NCKAP5: variants seen among roughly 807,000 people sequenced by gnomAD.
The protein encoded by NCKAP5 is nck-associated protein 5.
In NCKAP5, 92 loss-of-function variants were observed where a neutral mutation model predicts 167.0. That is an observed-to-expected ratio of 0.55 (90% confidence interval 0.47 to 0.66). The LOEUF is 0.66. Among genes scored for constraint, NCKAP5 ranks in the 30% least tolerant of loss-of-function variants. The pLI, the probability that NCKAP5 is intolerant of heterozygous loss-of-function variation, is 0.00. For synonymous variants in NCKAP5, 891 were observed against 877.4 expected (o/e 1.02, Z -0.27); for missense variants, 2,378 against 2,315.0 (o/e 1.03, Z -0.56).
Position 133,250,211 on chromosome 2 carries a change from T to G in NCKAP5, c.144-36432A>C, listed in dbSNP as rs112787400. 3.9e-5 allele frequency among the ~76,000 whole-genome samples: 6 copies of G among 152,046 alleles called. 1 individual carries two copies. In the South Asian group the frequency reaches 1.0e-3, roughly 26 times the overall value. On this transcript the variant is annotated intron_variant, in intron 4 of 19. Transcript: ENST00000409261. ...TTCCCCAGGAAGGAATACCTATTAA[T>G]CCACAGCTATGTGATCAACCTTTAT...
chr2:132,878,521 C>T (rs1451599560), intron 9 of NCKAP5, among the ~76,000 whole-genome samples: 3 of 151,950 alleles, frequency 2.0e-5, no homozygotes, highest in African/African-American at 7.3e-5. Context: ...AATAATTTAT[C>T]ATGCAGTAAA....
intron 5 of NCKAP5, among the ~76,000 whole-genome samples, chr2:133,167,560 A>G (rs2084051604): frequency 6.6e-6 from 1 of 152,132 alleles, no homozygotes; most frequent in Admixed American, 6.6e-5. Context: ...AGGTTAAGAG[A>G]CCTGCTTGAA....
the NCKAP5 span, among the ~76,000 whole-genome samples, chr2:133,615,131 A>C: frequency 8.6e-5 from 13 of 151,872 alleles, no homozygotes; most frequent in African/African-American, 2.7e-4. Flanking sequence ...GCCTGCCCTA[A>C]AAGAGCTCCT....
chr2:133,604,946 A>G, the NCKAP5 span, among the ~76,000 whole-genome samples: 5 of 152,212 alleles, frequency 3.3e-5, no homozygotes, highest in African/African-American at 1.2e-4. Context: ...TGCTGGCTGT[A>G]CAAGACACAG....
At chr2:133,543,878 GT>G (rs999537332) in intron 2 of NCKAP5, among the ~76,000 whole-genome samples, 3 of 152,220 alleles carry the variant, frequency 2.0e-5, no homozygotes, top group African/African-American at 7.2e-5. Flanking sequence ...AGTGGTAGGT[GT>G]TTGCTTGTCT....
intron 6 of NCKAP5, among the ~76,000 whole-genome samples, chr2:133,090,789 GC>G (rs67675825): frequency 0.37 from 55,991 of 151,926 alleles, 11,023 homozygotes; most frequent in East Asian, 0.58. Flanking sequence ...TGGAGACTTG[GC>G]GGGGGAAATT....
At chr2:132,724,277 G>A (rs1573997784) in intron 19 of NCKAP5, among the ~76,000 whole-genome samples, 1 of 152,096 alleles carries the variant, frequency 6.6e-6, no homozygotes, top group Admixed American at 6.5e-5. Context: ...CATCTCCCAT[G>A]AACGAACTAT....
chr2:132,810,374 C>A (rs1436543654), intron 11 of NCKAP5, among the ~76,000 whole-genome samples: 2 of 152,298 alleles, frequency 1.3e-5, no homozygotes, highest in East Asian at 3.9e-4. Context: ...GTTTTCCAAG[C>A]TTTTAGAATT....
At chr2:133,487,373 G>A (rs1386286327) in intron 3 of NCKAP5, among the ~76,000 whole-genome samples, 1 of 152,120 alleles carries the variant, frequency 6.6e-6, no homozygotes, top group African/African-American at 2.4e-5. Flanking sequence ...ATGATAGGGT[G>A]GTGTGAAAAG....
intron 17 of NCKAP5, among the ~76,000 whole-genome samples, chr2:132,730,469 T>C (rs1317258964): frequency 5.9e-5 from 9 of 152,214 alleles, no homozygotes; most frequent in African/African-American, 2.2e-4. Flanking sequence ...CACTCCAGCC[T>C]GGGCGACGGA....
intron 4 of NCKAP5, among the ~76,000 whole-genome samples, chr2:133,242,979 G>T (rs1384131011): frequency 1.3e-5 from 2 of 152,114 alleles, no homozygotes; most frequent in Non-Finnish European, 2.9e-5. Flanking sequence ...TAAAAAGAAA[G>T]ACTTCCTCAT....
At chr2:133,175,659 G>A (rs1021718690) in intron 5 of NCKAP5, among the ~76,000 whole-genome samples, 3 of 152,152 alleles carry the variant, frequency 2.0e-5, no homozygotes, top group Non-Finnish European at 4.4e-5. Context: ...GGAGTCACTA[G>A]TAAGAAGGAA....
chr2:132,992,649 C>T (rs1211501591), intron 7 of NCKAP5, among the ~76,000 whole-genome samples: 1 of 152,122 alleles, frequency 6.6e-6, no homozygotes, highest in Non-Finnish European at 1.5e-5. Context: ...GTTATAATAT[C>T]TATGAAGAAT....
intron 16 of NCKAP5, among the ~76,000 whole-genome samples, chr2:132,732,257 A>C (rs892384459): frequency 4.4e-5 from 6 of 134,894 alleles, no homozygotes; most frequent in African/African-American, 1.6e-4. Flanking sequence ...ACACTTGGAC[A>C]CAGGGTGGGG....
intron 3 of NCKAP5, among the ~76,000 whole-genome samples, chr2:133,466,907 T>G (rs190427428): frequency 3.0e-4 from 45 of 152,340 alleles, no homozygotes; most frequent in African/African-American, 1.0e-3. Flanking sequence ...AAGGAGATTT[T>G]GGGCTGAGAT....
chr2:132,794,961 A>G (rs1248400970), intron 12 of NCKAP5, among the ~76,000 whole-genome samples: 1 of 152,142 alleles, frequency 6.6e-6, no homozygotes, highest in East Asian at 1.9e-4. Flanking sequence ...ACCACATATT[A>G]AGAGAACTGA....
chr2:132,714,636 G>A (rs1371301728), intron 19 of NCKAP5, among the ~76,000 whole-genome samples: 1 of 151,978 alleles, frequency 6.6e-6, no homozygotes, highest in Non-Finnish European at 1.5e-5. Flanking sequence ...TGACCAACAT[G>A]GAGAAACCCC....
intron 11 of NCKAP5, among the ~76,000 whole-genome samples, chr2:132,797,196 C>T (rs1278160789): frequency 1.3e-5 from 2 of 152,140 alleles, no homozygotes; most frequent in Admixed American, 6.5e-5. Flanking sequence ...GAAATCTTCC[C>T]TTGGACACGT....
intron 6 of NCKAP5, among the ~76,000 whole-genome samples, chr2:133,006,713 A>G (rs1259628989): frequency 6.6e-6 from 1 of 152,186 alleles, no homozygotes; most frequent in East Asian, 1.9e-4. Flanking sequence ...CCAAAGCAGC[A>G]CAGTAAGTAG....
Sources: gnomAD v4.1 joint callset for allele counts (sites outside exome capture counted in the v4.1 genomes callset) on GRCh38, gnomAD v4.1.1 for gene constraint, MANE v1.5 for transcripts, NCBI Gene and HGNC (gene_info 2026-07-23, HGNC 2026-07-21) for gene names.